The following METTL9 variants were observed in gnomAD, a reference collection of about 807,000 sequenced individuals.
METTL9 encodes the protein methyltransferase 9, His-X-His N1(pi)-histidine, also known as protein-L-histidine N-pros-methyltransferase.
Under a neutral mutation model 36.0 loss-of-function variants are expected in METTL9, and 10 were observed. The ratio of observed to expected loss-of-function variants is 0.28; its 90% CI spans 0.17 to 0.47. The LOEUF is 0.47. Among genes scored for constraint, METTL9 ranks in the 20% least tolerant of loss-of-function variants. METTL9 has a pLI of 0.99. For missense variants in METTL9, 246 were observed against 383.5 expected (o/e 0.64, Z 3.00); for synonymous variants, 175 against 149.7 (o/e 1.17, Z -1.23).
rs554470740 is a variant in METTL9, at chr16:21,630,456, C to G, written c.751+5341C>G. Among the ~76,000 whole-genome samples, 77 of 152,354 alleles carry G rather than the reference C, an allele frequency of 5.1e-4. 1 individual carries two copies. In the East Asian group the frequency reaches 0.014, roughly 28 times the overall value. On this transcript the variant is annotated intron_variant, in intron 4 of 4. Transcript: ENST00000358154. ...AGCACAGCCAGAGCCGACGCCGTGG[C>G]CGAGGGGGCGCCGAGAGCGAGCGAG...
intron 4 of METTL9, among the ~76,000 whole-genome samples, chr16:21,643,912 A>G (rs1966346303): frequency 6.6e-6 from 1 of 152,128 alleles, no homozygotes; most frequent in African/African-American, 2.4e-5. Context: ...TAGTTTCTTC[A>G]TCAACCCATT....
Position 21,643,265 on chromosome 16 carries a change from C to A in METTL9, c.752-11962C>A, listed in dbSNP as rs1287011409. ...TTGCCACCGGTCCCAAAAACTACCCCCTCCCCCAACACATATGTGCCTACA... is the reference window on the plus strand; with the variant it reads ...TTGCCACCGGTCCCAAAAACTACCCACTCCCCCAACACATATGTGCCTACA... On this transcript the variant is annotated intron_variant, in intron 4 of 4. Transcript: ENST00000358154. The A allele has an allele frequency of 5.2e-6, 4 of 764,584 alleles. No homozygotes were observed. The African/African-American group carries it at 6.9e-5, about 13-fold the overall frequency. 47.4% of individuals were successfully genotyped at this position (764,584 alleles called of 1,614,324 possible).
intron 3 of METTL9, among the ~76,000 whole-genome samples, chr16:21,623,701 G>T (rs910582921): frequency 6.6e-6 from 1 of 151,548 alleles, no homozygotes; most frequent in Non-Finnish European, 1.5e-5. Flanking sequence ...ATCGAGAGTG[G>T]TTTTTTTTTA....
At chr16:21,626,136 T>G (rs1965809042) in intron 4 of METTL9, among the ~76,000 whole-genome samples, 1 of 152,164 alleles carries the variant, frequency 6.6e-6, no homozygotes, top group Admixed American at 6.5e-5. Context: ...ACTCCTGATC[T>G]CAGGTGATCC....
chr16:21,612,564 T>C (rs1055865399), intron 1 of METTL9, 81 bp from the exon 2 acceptor site: 26 of 1,315,538 alleles, frequency 2.0e-5, no homozygotes, highest in Non-Finnish European at 2.5e-5. Flanking sequence ...TTTAGTCTTC[T>C]GGTTTTTTGT....
intron 4 of METTL9, among the ~76,000 whole-genome samples, chr16:21,633,599 C>T (rs1359517144): frequency 2.6e-5 from 4 of 152,250 alleles, no homozygotes; most frequent in East Asian, 1.9e-4. Flanking sequence ...CATTCTGCCT[C>T]CTCTGGTATT....
chr16:21,610,514 G>A (rs533683639), intron 1 of METTL9, among the ~76,000 whole-genome samples: 1 of 152,328 alleles, frequency 6.6e-6, no homozygotes, highest in Admixed American at 6.5e-5. Context: ...AAAGAGAAGA[G>A]CTTTGCTCTA....
At chr16:21,599,413 T>A, upstream of METTL9, 1 of 1,099,832 alleles carries the variant, frequency 9.1e-7, no homozygotes, top group Non-Finnish European at 1.1e-6. This position sits in a 1 kb window ranked among gnomAD's most constrained non-coding sequence, Gnocchi z 4.4. Flanking sequence ...GCGCTCCCTT[T>A]GTCCCGCCTC....
rs146117482 is a variant in METTL9 at position 21,613,356 on chromosome 16, G to A, written c.356+521G>A. On this transcript the variant is annotated intron_variant, in intron 2 of 4. Coordinates refer to ENST00000358154, the MANE Select transcript of METTL9 (RefSeq NM_016025.5). The stretch of plus-strand genomic sequence containing the variant: ...GCACCACCACACCTGTCTAATTTTT[G>A]TATTTTTAGTAGAGACGAGGTTTCT... Among the ~76,000 whole-genome samples, 803 of 151,658 alleles carry A rather than the reference G, an allele frequency of 5.3e-3. 2 individuals carry two copies. Among genetic ancestry groups the A allele is most frequent in the Non-Finnish European group, 9.4e-3 (636 of 67,882 alleles).
At chr16:21,626,169 G>T (rs995973069) in intron 4 of METTL9, among the ~76,000 whole-genome samples, 1 of 152,116 alleles carries the variant, frequency 6.6e-6, no homozygotes, top group African/African-American at 2.4e-5. Context: ...CTCCCAAAAT[G>T]CTGAGATTAC....
At chr16:21,632,164 C>T (rs1229474883) in intron 4 of METTL9, among the ~76,000 whole-genome samples, 4 of 152,238 alleles carry the variant, frequency 2.6e-5, no homozygotes, top group Non-Finnish European at 5.9e-5. Context: ...CCATAATTGC[C>T]TTGTGGTATT....
chr16:21,649,517 C>T (rs931016245), intron 4 of METTL9, among the ~76,000 whole-genome samples: 2 of 152,114 alleles, frequency 1.3e-5, no homozygotes, highest in Non-Finnish European at 2.9e-5. Context: ...ATGTCTCCTG[C>T]CCAGACTCAA....
chr16:21,630,284 G>T (rs926857281), intron 4 of METTL9, among the ~76,000 whole-genome samples: 1 of 152,238 alleles, frequency 6.6e-6, no homozygotes, highest in Non-Finnish European at 1.5e-5. Context: ...GGGGCCTGCC[G>T]AGCCTGCGCC....
chr16:21,635,511 G>T (rs1356111061), intron 4 of METTL9, among the ~76,000 whole-genome samples: 1 of 152,114 alleles, frequency 6.6e-6, no homozygotes, highest in Non-Finnish European at 1.5e-5. Context: ...TGAAAAGAAA[G>T]CTTGGACATA....
At chr16:21,623,606 C>A (rs189442617) in intron 3 of METTL9, among the ~76,000 whole-genome samples, 2 of 152,116 alleles carry the variant, frequency 1.3e-5, no homozygotes, top group Non-Finnish European at 2.9e-5. Flanking sequence ...TAAAAACTCC[C>A]CCTTTCTAGA....
At chr16:21,627,969 A>G (rs1181126692) in intron 4 of METTL9, among the ~76,000 whole-genome samples, 1 of 152,100 alleles carries the variant, frequency 6.6e-6, no homozygotes, top group Non-Finnish European at 1.5e-5. Flanking sequence ...CAAACAAAAC[A>G]AAAAAAGTTT....
At chr16:21,652,468 G>A (rs1385276981) in intron 4 of METTL9, 3 of 1,250,176 alleles carry the variant, frequency 2.4e-6, no homozygotes, top group African/African-American at 3.0e-5. Flanking sequence ...AAATATAAAT[G>A]CATTAGGTGA....
At chr16:21,634,549 A>G (rs1209899426) in intron 4 of METTL9, among the ~76,000 whole-genome samples, 1 of 152,136 alleles carries the variant, frequency 6.6e-6, no homozygotes, top group Non-Finnish European at 1.5e-5. Context: ...TGTTTGTCTG[A>G]AGGCTATGAC....
intron 1 of METTL9, among the ~76,000 whole-genome samples, chr16:21,608,900 A>G (rs1277723661): frequency 3.3e-5 from 5 of 152,184 alleles, no homozygotes; most frequent in Non-Finnish European, 7.3e-5. Flanking sequence ...CACTGGGTAG[A>G]GTTAAGTGAA....
Sources: allele counts gnomAD v4.1 joint callset (sites outside exome capture counted in the v4.1 genomes callset), GRCh38; gene constraint gnomAD v4.1.1; non-coding constraint Gnocchi (gnomAD v3.1); transcripts MANE v1.5; gene names NCBI Gene and HGNC (gene_info 2026-07-23, HGNC 2026-07-21).